OSGEP: variants seen among roughly 807,000 people sequenced by gnomAD.
The protein encoded by OSGEP is O-sialoglycoprotein endopeptidase.
A neutral mutation model predicts 44.1 loss-of-function variants in OSGEP; 39 were observed. The ratio of observed to expected loss-of-function variants is 0.88; its 90% CI spans 0.69 to 1.16. The LOEUF is 1.16. OSGEP is among the 50% of genes most tolerant of loss of function. The pLI is 0.00. For missense variants in OSGEP, 403 were observed against 443.1 expected (o/e 0.91, Z 0.81); for synonymous variants, 139 against 161.9 (o/e 0.86, Z 1.07).
chr14:20,451,926 T>C (rs1290049179), intron 3 of OSGEP, 48 bp downstream of exon 3: 1 of 1,456,102 alleles, frequency 6.9e-7, no homozygotes, highest in Non-Finnish European at 9.3e-7. Flanking sequence ...AAAATACTGG[T>C]TCAGTGCCTC....
chr14:20,452,320 C>T lies in OSGEP; in HGVS notation c.235+9G>A. 6.2e-7 allele frequency: 1 copy of T among 1,613,222 alleles called. No homozygotes were observed. The highest frequency in any genetic ancestry group is 8.5e-7 in the Non-Finnish European group (1 of 1,179,802). On this transcript the variant is annotated intron_variant, in intron 2 of 10. Coordinates refer to ENST00000206542, the MANE Select transcript of OSGEP (RefSeq NM_017807.4). ...ATTCCTCCATCGTTGACCACTCTCC[C>T]AGCCATACCCTTGGTGTATGCAATG...
Position 20,448,095 on chromosome 14 carries a change from T to C in OSGEP, c.702+11A>G. The C allele has an allele frequency of 6.2e-7, 1 of 1,611,096 alleles. No homozygotes were observed. Among genetic ancestry groups the C allele is most frequent in the Non-Finnish European group, 8.5e-7 (1 of 1,177,124 alleles). On this transcript the variant is annotated intron_variant, in intron 7 of 10. Transcript: ENST00000206542. ...GCCCCAACTTTCTGTCCCAGTTTTT[T>C]ACTGCATTACCTGCAGGGAGAAACA...
In OSGEP at chr14:20,448,138, A is replaced by G; in HGVS notation, c.670T>C (p.Cys224Arg). The change falls in exon 7 of 11, where the codon TGT becomes CGT. Residue 224 changes from cysteine to arginine, a missense_variant. Transcript: ENST00000206542. ...VAHRMLATGECTPEDLCFSLQ... is the reference protein window; with the variant it reads ...VAHRMLATGERTPEDLCFSLQ... ...GAGAAACACAGATCCTCAGGAGTAC[A>G]CTCGCCTGTGGCCAGCATCCGATGG... is the stretch of plus-strand genomic sequence containing the variant. The G allele has an allele frequency of 6.2e-7, 1 of 1,613,646 alleles. No individual in the cohort carries two copies.
chr14:20,449,015 T>C lies in OSGEP; in HGVS notation c.508-2A>G, dbSNP rs746997649. On this transcript the variant is annotated splice_acceptor_variant, in intron 4 of 10. Transcript: ENST00000206542. LOFTEE classifies it high-confidence loss of function. Reference sequence around the variant, plus strand: ...TCCTGGACTTGGGTCGTTAGAAATCTAGCAGAAGAAAAAAATAAGGAAGGA... The same window carrying C: ...TCCTGGACTTGGGTCGTTAGAAATCCAGCAGAAGAAAAAAATAAGGAAGGA... 1.1e-5 allele frequency: 17 copies of C among 1,612,928 alleles called. No individual in the cohort carries two copies. In the South Asian group the frequency reaches 1.9e-4, roughly 18 times the overall value.
chr14:20,447,661 T>G lies in OSGEP; in HGVS notation c.823A>C (p.Thr275Pro), dbSNP rs1880982832. The change falls in exon 9 of 11, where the codon ACA becomes CCA. Residue 275 changes from threonine to proline, a missense_variant. Thr to Pro is a conservative substitution (Grantham distance 38). Transcript: ENST00000206542. ...CNVRLQEMMA[T>P]MCQERGARLF... ...CGGGCTCCACGTTCCTGGCACATTG[T>G]TGCCATCATCTCCTGTAGCCTCACA... 2 of 1,614,058 alleles carry G rather than the reference T, an allele frequency of 1.2e-6. No homozygotes were observed. Among genetic ancestry groups the G allele is most frequent in the East Asian group, 4.5e-5 (2 of 44,882 alleles).
Position 20,454,631 on chromosome 14 carries a change from A to G in OSGEP, c.53T>C (p.Val18Ala), listed in dbSNP as rs1881218805. The G allele has an allele frequency of 6.2e-7, 1 of 1,614,044 alleles. No individual in the cohort carries two copies. Among genetic ancestry groups the G allele is most frequent in the Admixed American group, 1.7e-5 (1 of 60,004 alleles). Reference sequence around the variant, plus strand: ...CGCCAGCACCTTGCCATCCCGCACCACGCCCACGCCAATCTTATTGGCGCT... The same window carrying G: ...CGCCAGCACCTTGCCATCCCGCACCGCGCCCACGCCAATCTTATTGGCGCT... ...EGSANKIGVG[V>A]VRDGKVLANP... The change falls in exon 1 of 11, where the codon GTG (valine) becomes GCG (alanine). Residue 18 changes from valine (V) to alanine (A), a missense_variant. Coordinates refer to ENST00000206542, the MANE Select transcript of OSGEP (RefSeq NM_017807.4).
At chr14:20,452,684 A>G (rs938866710) in intron 1 of OSGEP, among the ~76,000 whole-genome samples, 3 of 150,776 alleles carry the variant, frequency 2.0e-5, no homozygotes, top group Non-Finnish European at 2.9e-5. Context: ...TGCAAGTAGT[A>G]TCTACCTCAT....
chr14:20,454,000 C>G (rs948699837), intron 1 of OSGEP, among the ~76,000 whole-genome samples: 12 of 151,958 alleles, frequency 7.9e-5, no homozygotes, highest in Non-Finnish European at 1.0e-4. Flanking sequence ...GCCTGGGCGA[C>G]AGAGCAAGAC....
chr14:20,449,083 A>C, intron 4 of OSGEP, 70 bp from the exon 5 acceptor site: 3 of 1,504,698 alleles, frequency 2.0e-6, no homozygotes, highest in Non-Finnish European at 2.8e-6. Context: ...GAAGCATAAG[A>C]AGCTCATTTA....
chr14:20,447,136 T>C lies in OSGEP; in HGVS notation c.*104A>G. ...AAAGGACCCCAAGCCTTGCTTGGAG[T>C]CTATAGCTTTGCTAGGACTCCCATG... is the stretch of plus-strand genomic sequence containing the variant. On this transcript the variant is annotated 3_prime_UTR_variant, in exon 11 of 11. Transcript: ENST00000206542. The C allele has an allele frequency of 1.0e-6, 1 of 953,478 alleles. No individual in the cohort carries two copies. Among genetic ancestry groups the C allele is most frequent in the Non-Finnish European group, 1.7e-6 (1 of 589,244 alleles). 59.1% of individuals were successfully genotyped at this position (953,478 alleles called of 1,614,324 possible). A position where few individuals can be genotyped will look rare whatever the true frequency, so the allele number is the denominator to read the frequency against.
chr14:20,450,871 G>C (rs1164563944), intron 3 of OSGEP: 2 of 152,270 alleles, frequency 1.3e-5, no homozygotes, highest in Non-Finnish European at 2.9e-5. Flanking sequence ...CCAGCACTTA[G>C]GGAGGCCGAG....
intron 1 of OSGEP, 146 bp downstream of exon 1, chr14:20,454,423 G>A (rs1028043509): frequency 5.4e-5 from 40 of 739,620 alleles, no homozygotes; most frequent in Non-Finnish European, 9.0e-5. Flanking sequence ...AACTCTTCTA[G>A]TCATCAGCCT....
chr14:20,453,167 T>C (rs1881148302), intron 1 of OSGEP, among the ~76,000 whole-genome samples: 1 of 152,206 alleles, frequency 6.6e-6, no homozygotes, highest in African/African-American at 2.4e-5. Context: ...GTATTCCCAG[T>C]GCCCAAGTGC....
At chr14:20,451,837 G>A (rs1594408643) in intron 3 of OSGEP, 137 bp downstream of exon 3, 1 of 749,188 alleles carries the variant, frequency 1.3e-6, no homozygotes, top group East Asian at 3.0e-5. Flanking sequence ...TCTGTTGGGG[G>A]TTTTCTGGTC....
chr14:20,447,218 T>C lies in OSGEP; in HGVS notation c.*22A>G. The C allele has an allele frequency of 6.2e-7, 1 of 1,608,378 alleles. No homozygotes were observed. Among genetic ancestry groups the C allele is most frequent in the Non-Finnish European group, 8.5e-7 (1 of 1,174,714 alleles). The stretch of plus-strand genomic sequence containing the variant: ...TTTGGGTTCCGATTAAGGAACTATC[T>C]ACTCTGATTCTGTTGATCTTATTAG... On this transcript the variant is annotated 3_prime_UTR_variant, in exon 11 of 11. Transcript: ENST00000206542.
chr14:20,454,596 G>A lies in OSGEP; in HGVS notation c.88C>T (p.Arg30Trp), dbSNP rs747390123. The stretch of plus-strand genomic sequence containing the variant: ...GTGCCAGGAGGCGTGACGTAAGTCC[G>A]CCGCGGGTTCGCCAGCACCTTGCCA... ...RDGKVLANPRRTYVTPPGTGF... is the reference protein window; with the variant it reads ...RDGKVLANPRWTYVTPPGTGF... Residue 30 changes from arginine to tryptophan, a missense_variant, in exon 1 of 11, where the codon CGG (arginine) becomes TGG (tryptophan). Transcript: ENST00000206542. 154 of 1,613,938 alleles carry A rather than the reference G, an allele frequency of 9.5e-5. No individual in the cohort carries two copies. Among genetic ancestry groups the A allele is most frequent in the Middle Eastern group, 1.6e-4 (1 of 6,084 alleles).
At position 20,446,456 on chromosome 14, in the gene OSGEP, A is replaced by G. The variant is rs1422706039; in HGVS notation, c.*784T>C. 6.6e-6 allele frequency: 1 copy of G among 152,200 alleles called. No individual in the cohort carries two copies. Among genetic ancestry groups the G allele is most frequent in the Non-Finnish European group, 1.5e-5 (1 of 68,054 alleles). The allele number at this position is 152,200 out of a possible 1,614,324, so 9.4% of individuals were successfully genotyped here. A position where few individuals can be genotyped will look rare whatever the true frequency, so the allele number is the denominator to read the frequency against. ...GGCTGTTTGTTTGTTTGTTTTTAAGAGACAAGGTTTTGTTCTGTCACTCAG... is the reference window on the plus strand; with the variant it reads ...GGCTGTTTGTTTGTTTGTTTTTAAGGGACAAGGTTTTGTTCTGTCACTCAG... On this transcript the variant is annotated 3_prime_UTR_variant, in exon 11 of 11. Coordinates refer to ENST00000206542, the MANE Select transcript of OSGEP (RefSeq NM_017807.4).
chr14:20,453,986 T>G (rs1212568525), intron 1 of OSGEP, among the ~76,000 whole-genome samples: 1 of 151,940 alleles, frequency 6.6e-6, no homozygotes, highest in African/African-American at 2.4e-5. Flanking sequence ...GCCACTGCAT[T>G]CCAGCCTGGG....
rs1881030995 is a variant in OSGEP at position 20,449,094 on chromosome 14, C to T, written c.507+77G>A. ...GCAGGAAGCATAAGAAGCTCATTTA[C>T]TATTTCCTCCCTCCACCTCCATGGC... On this transcript the variant is annotated intron_variant, in intron 4 of 10. Transcript: ENST00000206542. 2.7e-6 allele frequency: 4 copies of T among 1,490,282 alleles called. No homozygotes were observed. In the Admixed American group the frequency reaches 5.0e-5, roughly 19 times the overall value. 92.3% of individuals were successfully genotyped at this position (1,490,282 alleles called of 1,614,324 possible). A position where few individuals can be genotyped will look rare whatever the true frequency, so the allele number is the denominator to read the frequency against.
Sources: gnomAD v4.1 joint callset for allele counts (sites outside exome capture counted in the v4.1 genomes callset) on GRCh38, gnomAD v4.1.1 for gene constraint, MANE v1.5 for transcripts, NCBI Gene and HGNC (gene_info 2026-07-23, HGNC 2026-07-21) for gene names.